Variants in KCNB2 observed in about 807,000 individuals in gnomAD.
The protein encoded by KCNB2 is potassium voltage-gated channel subfamily B member 2.
KCNB2 carries 15 observed loss-of-function variants against 61.5 expected under a neutral mutation model. The observed-to-expected ratio is 0.24, with a 90% CI of 0.16 to 0.38. The LOEUF (loss-of-function observed/expected upper bound fraction) is 0.38, where lower values mean the gene tolerates loss of function less well. Ranked by LOEUF, KCNB2 falls within the 10% of genes least tolerant of loss-of-function variation. KCNB2 has a pLI of 1.00. For missense variants in KCNB2, 828 were observed against 1,125.2 expected (o/e 0.74, Z 3.78); for synonymous variants, 457 against 446.0 (o/e 1.02, Z -0.31).
intron 2 of KCNB2, among the ~76,000 whole-genome samples, chr8:72,863,641 T>C (rs1585939949): frequency 1.3e-5 from 2 of 152,198 alleles, no homozygotes; most frequent in Admixed American, 1.3e-4. Context: ...TTTACAGGCC[T>C]CCAGCCTCTG....
At chr8:72,789,531 G>T (rs1808900951) in intron 2 of KCNB2, among the ~76,000 whole-genome samples, 2 of 152,104 alleles carry the variant, frequency 1.3e-5, no homozygotes. Flanking sequence ...GGGGAGGCAG[G>T]CATGCAGGAA....
intron 2 of KCNB2, among the ~76,000 whole-genome samples, chr8:72,868,171 A>G (rs901403462): frequency 3.3e-5 from 5 of 151,258 alleles, no homozygotes; most frequent in African/African-American, 1.2e-4. Flanking sequence ...TCCTGGGCTC[A>G]AGGAATCCGC....
chr8:72,693,339 T>C (rs879723156), intron 2 of KCNB2, among the ~76,000 whole-genome samples: 11 of 152,230 alleles, frequency 7.2e-5, no homozygotes, highest in Non-Finnish European at 1.3e-4. Flanking sequence ...GGTGCACGGA[T>C]GTCCTTTTGC....
At chr8:72,689,886 G>A (rs1806913728) in intron 2 of KCNB2, among the ~76,000 whole-genome samples, 1 of 152,002 alleles carries the variant, frequency 6.6e-6, no homozygotes, top group Admixed American at 6.6e-5. Context: ...CTTATGTTTT[G>A]CATTGCTACT....
At chr8:72,613,082 A>G (rs1053961042) in intron 2 of KCNB2, among the ~76,000 whole-genome samples, 5 of 152,168 alleles carry the variant, frequency 3.3e-5, no homozygotes, top group South Asian at 2.1e-4. Flanking sequence ...TGGCTCAAGA[A>G]CTGCCCCATG....
At chr8:72,831,968 A>T (rs898661926) in intron 2 of KCNB2, among the ~76,000 whole-genome samples, 2 of 152,228 alleles carry the variant, frequency 1.3e-5, no homozygotes, top group African/African-American at 4.8e-5. Context: ...TCAGATTTTG[A>T]AACTATCTTC....
At chr8:72,791,938 T>C (rs907661679) in intron 2 of KCNB2, among the ~76,000 whole-genome samples, 7 of 152,344 alleles carry the variant, frequency 4.6e-5, no homozygotes, top group East Asian at 1.9e-4. Context: ...TTAGTACTTA[T>C]TATATGCCAG....
intron 2 of KCNB2, among the ~76,000 whole-genome samples, chr8:72,920,475 A>ATCTATCTATC (rs10631337): frequency 0.014 from 842 of 58,390 alleles, 64 homozygotes; most frequent in African/African-American, 0.04. Flanking sequence ...CTATCTATCT[A>ATCTATCTATC]TATATATATA....
At chr8:72,610,841 G>A (rs191347635) in intron 2 of KCNB2, among the ~76,000 whole-genome samples, 6 of 152,206 alleles carry the variant, frequency 3.9e-5, no homozygotes, top group Admixed American at 3.9e-4. Flanking sequence ...ACATATAAAA[G>A]CAAGACAGGC....
At chr8:72,809,649 G>A (rs1323446237) in intron 2 of KCNB2, among the ~76,000 whole-genome samples, 3 of 152,022 alleles carry the variant, frequency 2.0e-5, no homozygotes, top group Non-Finnish European at 4.4e-5. Flanking sequence ...TACTTCTCTG[G>A]CAAGGGTAAT....
chr8:72,608,827 T>C (rs903742585), intron 2 of KCNB2, among the ~76,000 whole-genome samples: 2 of 152,150 alleles, frequency 1.3e-5, no homozygotes, highest in African/African-American at 4.8e-5. Flanking sequence ...AGTACATAGC[T>C]TCACAACTTG....
intron 2 of KCNB2, among the ~76,000 whole-genome samples, chr8:72,690,140 C>A (rs957288952): frequency 6.6e-6 from 1 of 151,942 alleles, no homozygotes; most frequent in African/African-American, 2.4e-5. Context: ...GCCATATTTT[C>A]TGCATTCACT....
intron 2 of KCNB2, among the ~76,000 whole-genome samples, chr8:72,905,105 A>T (rs1016707648): frequency 1.8e-4 from 28 of 152,254 alleles, no homozygotes; most frequent in African/African-American, 5.5e-4. Context: ...CTATCTATCA[A>T]ATGGTTATGA....
intron 1 of KCNB2, among the ~76,000 whole-genome samples, chr8:72,538,216 C>G (rs1208685203): frequency 1.3e-5 from 2 of 152,088 alleles, no homozygotes; most frequent in Admixed American, 1.3e-4. Flanking sequence ...ACTTGTGGGA[C>G]TGGATTTAGG....
intron 2 of KCNB2, among the ~76,000 whole-genome samples, chr8:72,667,006 T>TGAGAGAGAGA (rs1554582835): frequency 6.8e-6 from 1 of 147,830 alleles, no homozygotes; most frequent in East Asian, 2.1e-4. Context: ...TGTGTGTGTG[T>TGAGAGAGAGA]GAGAGAGAGA....
At chr8:72,769,618 T>C (rs770994741) in intron 2 of KCNB2, among the ~76,000 whole-genome samples, 11 of 151,960 alleles carry the variant, frequency 7.2e-5, no homozygotes, top group Admixed American at 3.3e-4. Flanking sequence ...ACTGGAGGCT[T>C]GGAGAGTGAG....
chr8:72,591,428 T>C (rs1360653321), intron 2 of KCNB2, among the ~76,000 whole-genome samples: 3 of 152,178 alleles, frequency 2.0e-5, no homozygotes, highest in Non-Finnish European at 4.4e-5. Flanking sequence ...AACTGATGCA[T>C]GCATAAAAGA....
intron 2 of KCNB2, among the ~76,000 whole-genome samples, chr8:72,896,290 G>A (rs190022833): frequency 6.6e-6 from 1 of 152,034 alleles, no homozygotes; most frequent in Non-Finnish European, 1.5e-5. Context: ...CCTTACACTG[G>A]GAATTATTGT....
chr8:72,671,821 G>A (rs1017548332), intron 2 of KCNB2, among the ~76,000 whole-genome samples: 7 of 152,166 alleles, frequency 4.6e-5, no homozygotes, highest in Non-Finnish European at 1.0e-4. Context: ...TCATTGCCAT[G>A]ATCACAAGAA....
Sources: gnomAD v4.1 joint callset for allele counts (sites outside exome capture counted in the v4.1 genomes callset) on GRCh38, gnomAD v4.1.1 for gene constraint, MANE v1.5 for transcripts, NCBI Gene and HGNC (gene_info 2026-07-23, HGNC 2026-07-21) for gene names.